MICU2: variants seen among roughly 807,000 people sequenced by gnomAD.
MICU2 encodes the protein calcium uptake protein 2, mitochondrial.
A neutral mutation model predicts 60.4 loss-of-function variants in MICU2; 64 were observed. The ratio of observed to expected loss-of-function variants is 1.06; its 90% CI spans 0.87 to 1.31. MICU2 has a LOEUF of 1.31. MICU2 is among the 50% of genes most tolerant of loss of function. The pLI, the probability that MICU2 is intolerant of heterozygous loss-of-function variation, is 0.00. For missense variants in MICU2, 569 were observed against 531.0 expected, an observed-to-expected ratio of 1.07 and a Z score of -0.70; for synonymous variants, 201 against 175.0, an observed-to-expected ratio of 1.15 and a Z score of -1.17.
At chr13:21,502,091 G>A (rs1478342525) in intron 9 of MICU2, among the ~76,000 whole-genome samples, 1 of 152,084 alleles carries the variant, frequency 6.6e-6, no homozygotes, top group African/African-American at 2.4e-5. Context: ...AATAATAGGG[G>A]ATGTCTTATA....
chr13:21,538,027 C>T (rs1386819574), intron 4 of MICU2, among the ~76,000 whole-genome samples: 2 of 152,048 alleles, frequency 1.3e-5, no homozygotes, highest in Admixed American at 6.6e-5. Flanking sequence ...CTCTCCTTCT[C>T]ATCAACAAGA....
chr13:21,509,475 A>ACC lies in MICU2; in HGVS notation c.761+527_761+528dup, dbSNP rs1886372877. 2.0e-5 allele frequency among the ~76,000 whole-genome samples: 3 copies of ACC among 152,306 alleles called. No individual in the cohort carries two copies. In the South Asian group the frequency reaches 6.2e-4, roughly 32 times the overall value. ...AGGCCTTTGCAGAAAATGTTTGCCA[A>ACC]CCCTTGTGCTAGAGAATGAGAGACT... On this transcript the variant is annotated intron_variant, in intron 8 of 11. Coordinates refer to ENST00000382374, the MANE Select transcript of MICU2 (RefSeq NM_152726.3).
chr13:21,538,565 A>AAAG (rs1352416496), intron 4 of MICU2, among the ~76,000 whole-genome samples: 1 of 150,440 alleles, frequency 6.6e-6, no homozygotes, highest in African/African-American at 2.4e-5. Context: ...CCTGTCTCAA[A>AAAG]AAAAAAAAAA....
intron 6 of MICU2, among the ~76,000 whole-genome samples, chr13:21,516,340 G>C (rs1447577867): frequency 6.6e-6 from 1 of 152,008 alleles, no homozygotes; most frequent in East Asian, 1.9e-4. Flanking sequence ...TTTTGTGTCT[G>C]CCTTCTTTCA....
At chr13:21,571,650 A>C (rs879749180) in intron 1 of MICU2, among the ~76,000 whole-genome samples, 19 of 152,248 alleles carry the variant, frequency 1.2e-4, no homozygotes, top group Non-Finnish European at 1.8e-4. Context: ...GTGAGCCAAG[A>C]TCGTGCCACT....
At chr13:21,577,099 G>A (rs1424561169) in intron 1 of MICU2, among the ~76,000 whole-genome samples, 2 of 152,084 alleles carry the variant, frequency 1.3e-5, no homozygotes, top group Non-Finnish European at 2.9e-5. Flanking sequence ...AAAACAAAAC[G>A]TGTGTAAAAC....
chr13:21,544,805 C>T (rs574599874), intron 2 of MICU2, among the ~76,000 whole-genome samples: 1 of 152,218 alleles, frequency 6.6e-6, no homozygotes, highest in Admixed American at 6.5e-5. Flanking sequence ...ATATGCACCA[C>T]CAGGCCTGGC....
At chr13:21,593,761 G>A (rs772071800) in intron 1 of MICU2, among the ~76,000 whole-genome samples, 6 of 152,016 alleles carry the variant, frequency 3.9e-5, no homozygotes, top group Non-Finnish European at 8.8e-5. Context: ...CAACAAACCT[G>A]ACAAAAACAA....
chr13:21,517,793 A>ACGCG (rs1467904920), intron 6 of MICU2, among the ~76,000 whole-genome samples: 306 of 97,246 alleles, frequency 3.1e-3, no homozygotes, highest in African/African-American at 9.0e-3. Context: ...ACACACACAC[A>ACGCG]CACACACGCG....
intron 4 of MICU2, among the ~76,000 whole-genome samples, chr13:21,525,142 G>A (rs1886816778): frequency 6.7e-6 from 1 of 148,224 alleles, no homozygotes; most frequent in African/African-American, 2.5e-5. Context: ...ATACCCAGAA[G>A]CAGAACTGCT....
intron 2 of MICU2, among the ~76,000 whole-genome samples, chr13:21,545,618 T>G (rs1385244924): frequency 6.6e-6 from 1 of 150,996 alleles, no homozygotes; most frequent in African/African-American, 2.4e-5. Context: ...AAGGCAGAGG[T>G]TGCTGTGAGC....
chr13:21,603,128 G>C (rs948186284), intron 1 of MICU2, among the ~76,000 whole-genome samples: 1 of 145,218 alleles, frequency 6.9e-6, no homozygotes, highest in Admixed American at 6.8e-5. Context: ...ATATTTTTTA[G>C]TAGAGACCGG....
chr13:21,539,728 T>C (rs1887235910), intron 2 of MICU2, 40 bp from the exon 3 acceptor site: 1 of 1,578,532 alleles, frequency 6.3e-7, no homozygotes, highest in African/African-American at 1.4e-5. Context: ...TCCATATTCT[T>C]TGGTAAAACT....
intron 2 of MICU2, among the ~76,000 whole-genome samples, chr13:21,541,272 C>T (rs1302713495): frequency 2.0e-5 from 3 of 151,936 alleles, no homozygotes; most frequent in Admixed American, 2.0e-4. Context: ...AATCCTTCTA[C>T]TTGAAACTGA....
At chr13:21,520,317 T>C (rs951741822) in intron 6 of MICU2, among the ~76,000 whole-genome samples, 1 of 152,242 alleles carries the variant, frequency 6.6e-6, no homozygotes, top group African/African-American at 2.4e-5. Flanking sequence ...AAGAGTGGAA[T>C]TGCTAGGTCA....
chr13:21,509,716 C>T (rs571876148), intron 8 of MICU2, among the ~76,000 whole-genome samples: 2 of 152,318 alleles, frequency 1.3e-5, no homozygotes, highest in South Asian at 2.1e-4. Flanking sequence ...GAACAACTGA[C>T]GCTAGGCGCA....
At chr13:21,587,912 T>C (rs561940181) in intron 1 of MICU2, among the ~76,000 whole-genome samples, 1 of 152,346 alleles carries the variant, frequency 6.6e-6, no homozygotes, top group Non-Finnish European at 1.5e-5. Context: ...TCTTTTTTGA[T>C]AGATTCAAAG....
intron 1 of MICU2, among the ~76,000 whole-genome samples, chr13:21,581,132 G>C (rs764811938): frequency 2.6e-5 from 4 of 152,178 alleles, no homozygotes; most frequent in Non-Finnish European, 4.4e-5. Flanking sequence ...TTTATGTGAA[G>C]GATAAATACT....
intron 4 of MICU2, among the ~76,000 whole-genome samples, chr13:21,529,821 C>G (rs1349289020): frequency 6.6e-6 from 1 of 152,128 alleles, no homozygotes; most frequent in Non-Finnish European, 1.5e-5. Context: ...ATATATTCAG[C>G]CTGTGAAGGC....
Sources: gnomAD v4.1 joint callset for allele counts (sites outside exome capture counted in the v4.1 genomes callset) on GRCh38, gnomAD v4.1.1 for gene constraint, MANE v1.5 for transcripts, NCBI Gene and HGNC (gene_info 2026-07-23, HGNC 2026-07-21) for gene names.